The following SLC28A1 variants were observed in gnomAD, a reference collection of about 807,000 sequenced individuals.
The protein encoded by SLC28A1 is sodium/nucleoside cotransporter 1.
SLC28A1 carries 64 observed loss-of-function variants against 74.8 expected under a neutral mutation model. The observed-to-expected ratio is 0.86, with a 90% CI of 0.70 to 1.05. The LOEUF (loss-of-function observed/expected upper bound fraction) is 1.05. Among genes scored for constraint, SLC28A1 ranks in the 50% least tolerant of loss-of-function variants. SLC28A1 has a pLI of 0.00. For synonymous variants in SLC28A1, 359 were observed against 335.0 expected, an observed-to-expected ratio of 1.07 and a Z score of -0.78; for missense variants, 828 against 822.8, an observed-to-expected ratio of 1.01 and a Z score of -0.08.
intron 11 of SLC28A1, among the ~76,000 whole-genome samples, chr15:84,921,978 C>T (rs551162872): frequency 1.4e-4 from 21 of 152,312 alleles, no homozygotes; most frequent in Admixed American, 2.6e-4. Context: ...CGATGTGAAG[C>T]GCTGCCAAGG....
chr15:84,890,362 A>C (rs1199814292), intron 4 of SLC28A1, 81 bp from the exon 5 acceptor site: 4 of 1,020,504 alleles, frequency 3.9e-6, no homozygotes, highest in Non-Finnish European at 5.9e-6. Context: ...TACTGGGGAC[A>C]TACCTGAGTG....
At chr15:84,921,548 G>A (rs148590458) in intron 11 of SLC28A1, among the ~76,000 whole-genome samples, 15 of 152,160 alleles carry the variant, frequency 9.9e-5, no homozygotes, top group Admixed American at 3.3e-4. Flanking sequence ...CCTTGGTGCC[G>A]AGTCCCTTTC....
At chr15:84,908,918 C>G (rs564183985) in intron 9 of SLC28A1, 123 bp downstream of exon 9, 4 of 799,638 alleles carry the variant, frequency 5.0e-6, no homozygotes, top group East Asian at 2.5e-5. Context: ...CAGAGGTCGC[C>G]GTACTGGGAA....
intron 18 of SLC28A1, 54 bp downstream of exon 18, chr15:84,944,921 C>T: frequency 2.3e-6 from 3 of 1,320,198 alleles, no homozygotes; most frequent in Non-Finnish European, 2.2e-6. Context: ...AGACAGAATG[C>T]CTGAGCGCTG....
At chr15:84,928,050 C>A (rs4980343) in intron 12 of SLC28A1, among the ~76,000 whole-genome samples, 15 of 152,026 alleles carry the variant, frequency 9.9e-5, no homozygotes, top group African/African-American at 3.4e-4. Flanking sequence ...GAAGAATGCT[C>A]GCCCATTTCC....
chr15:84,895,757 G>A, intron 6 of SLC28A1: 1 of 1,237,078 alleles, frequency 8.1e-7, no homozygotes, highest in Non-Finnish European at 1.0e-6. Flanking sequence ...AATTCGCTGG[G>A]GGAAAAAAAC....
chr15:84,911,812 C>G (rs112397651), intron 9 of SLC28A1, among the ~76,000 whole-genome samples: 2,288 of 141,896 alleles, frequency 0.016, 18 homozygotes, highest in African/African-American at 0.026. Context: ...TGAGCGGAGA[C>G]TGCACCACTG....
intron 12 of SLC28A1, among the ~76,000 whole-genome samples, chr15:84,930,597 C>T (rs907735545): frequency 6.0e-5 from 9 of 150,996 alleles, no homozygotes; most frequent in Admixed American, 2.0e-4. Context: ...TGAGGGGTGC[C>T]CACGATCTGC....
At chr15:84,940,310 T>C (rs1972505572) in intron 15 of SLC28A1, among the ~76,000 whole-genome samples, 1 of 152,192 alleles carries the variant, frequency 6.6e-6, no homozygotes, top group Non-Finnish European at 1.5e-5. Context: ...TTGGTGGCTA[T>C]TGAAAATACC....
At chr15:84,912,679 C>T (rs1250608524) in intron 9 of SLC28A1, among the ~76,000 whole-genome samples, 3 of 152,114 alleles carry the variant, frequency 2.0e-5, no homozygotes, top group Non-Finnish European at 4.4e-5. Flanking sequence ...CTTAGCAGTG[C>T]TGCTCAGATT....
At chr15:84,949,318 A>ATCTTGGT (rs1421150372), downstream of SLC28A1, among the ~76,000 whole-genome samples, 3 of 152,212 alleles carry the variant, frequency 2.0e-5, no homozygotes, top group Non-Finnish European at 4.4e-5. Context: ...CTGTGATGAG[A>ATCTTGGT]CTAAAGATTG....
intron 6 of SLC28A1, among the ~76,000 whole-genome samples, chr15:84,903,388 C>A (rs1596251229): frequency 6.6e-6 from 1 of 152,360 alleles, no homozygotes; most frequent in East Asian, 1.9e-4. Context: ...AAGAACATGT[C>A]TCTCGCATCG....
the SLC28A1 span, among the ~76,000 whole-genome samples, chr15:84,963,538 G>A: frequency 1.8e-4 from 27 of 152,288 alleles, no homozygotes; most frequent in Non-Finnish European, 3.7e-4. Flanking sequence ...TCACAAAGTG[G>A]CCCATCACAC....
chr15:84,948,000 A>G (rs1407628791), downstream of SLC28A1, among the ~76,000 whole-genome samples: 2 of 152,280 alleles, frequency 1.3e-5, no homozygotes, highest in South Asian at 2.1e-4. Flanking sequence ...GCATGGGGAA[A>G]AAAAAACTGC....
intron 15 of SLC28A1, among the ~76,000 whole-genome samples, chr15:84,943,167 C>T (rs564241469): frequency 2.7e-4 from 41 of 152,036 alleles, no homozygotes; most frequent in Non-Finnish European, 5.4e-4. Context: ...GCCTGGGTGA[C>T]AAGAGTAAAA....
intron 13 of SLC28A1, among the ~76,000 whole-genome samples, chr15:84,934,207 A>G (rs1173156827): frequency 1.3e-5 from 2 of 152,202 alleles, no homozygotes; most frequent in African/African-American, 4.8e-5. Context: ...TCCAGTTCTC[A>G]CATCTTAATG....
At chr15:84,938,481 G>GT (rs1448221965) in intron 15 of SLC28A1, 1 of 152,110 alleles carries the variant, frequency 6.6e-6, no homozygotes, top group Non-Finnish European at 1.5e-5. Context: ...AATCTTCTCC[G>GT]TATCGTTCTG....
At chr15:84,921,614 T>A (rs943607664) in intron 11 of SLC28A1, among the ~76,000 whole-genome samples, 1 of 152,248 alleles carries the variant, frequency 6.6e-6, no homozygotes, top group East Asian at 1.9e-4. Flanking sequence ...AGGCCTGTCC[T>A]GGCCCATCTG....
At chr15:84,895,168 G>C (rs777169032) in intron 6 of SLC28A1, 45 bp downstream of exon 6, 1 of 1,606,992 alleles carries the variant, frequency 6.2e-7, no homozygotes, top group African/African-American at 1.3e-5. Context: ...GAGGGCCCAT[G>C]AGCTGAGGGG....
Sources: gnomAD v4.1 joint callset for allele counts (sites outside exome capture counted in the v4.1 genomes callset) on GRCh38, gnomAD v4.1.1 for gene constraint, MANE v1.5 for transcripts, NCBI Gene and HGNC (gene_info 2026-07-23, HGNC 2026-07-21) for gene names.